CREBL2: variants seen among roughly 807,000 people sequenced by gnomAD.
CREBL2 encodes cAMP-responsive element-binding protein-like 2.
Under a neutral mutation model 19.5 loss-of-function variants are expected in CREBL2, and 4 were observed. The observed-to-expected ratio is 0.20, with a 90% CI of 0.10 to 0.47. The LOEUF is 0.47. Among genes scored for constraint, CREBL2 ranks in the 20% least tolerant of loss-of-function variants. The probability of loss-of-function intolerance (pLI) is 0.98; values close to 1 mark genes in which losing one functional copy is unlikely to be tolerated. For missense variants in CREBL2, 85 were observed against 145.1 expected (o/e 0.59, Z 2.13); for synonymous variants, 42 against 46.6 (o/e 0.90, Z 0.40).
At chr12:12,640,614 T>A (rs1945509708) in intron 3 of CREBL2, among the ~76,000 whole-genome samples, 1 of 152,104 alleles carries the variant, frequency 6.6e-6, no homozygotes, top group African/African-American at 2.4e-5. Context: ...AAGAGTAAAG[T>A]AAAGACAGGC....
At position 12,612,048 on chromosome 12, in the gene CREBL2, G is replaced by C. The variant is rs1330591954; in HGVS notation, c.-125G>C. ...CTGGCATCAGGGAAGCGAACTGTTA[G>C]GCGAGAGGAGGAGGCAGCCAGAACC... On this transcript the variant is annotated 5_prime_UTR_variant, in exon 1 of 4. Transcript: ENST00000228865. 8.6e-7 allele frequency: 1 copy of C among 1,166,118 alleles called. No homozygotes were observed. Among genetic ancestry groups the C allele is most frequent in the African/African-American group, 1.5e-5 (1 of 66,272 alleles). 72.2% of individuals were successfully genotyped at this position (1,166,118 alleles called of 1,614,324 possible).
chr12:12,633,622 C>G (rs1039266731), intron 1 of CREBL2, among the ~76,000 whole-genome samples: 6 of 151,702 alleles, frequency 4.0e-5, no homozygotes, highest in African/African-American at 1.5e-4. Context: ...CAGAGCCACC[C>G]CACAAAAATG....
At chr12:12,619,073 G>GGAGGGAGAGGAGGGAGAGGGAA (rs1566105566) in intron 1 of CREBL2, among the ~76,000 whole-genome samples, 5 of 151,440 alleles carry the variant, frequency 3.3e-5, no homozygotes, top group Non-Finnish European at 7.4e-5. Context: ...GGGAGAGGGA[G>GGAGGGAGAGGAGGGAGAGGGAA]AGGAGGGAGA....
chr12:12,633,252 T>C (rs948406306), intron 1 of CREBL2, among the ~76,000 whole-genome samples: 1 of 152,014 alleles, frequency 6.6e-6, no homozygotes, highest in Non-Finnish European at 1.5e-5. Flanking sequence ...TATATTGTTA[T>C]AATGTAATAA....
chr12:12,614,832 C>G (rs566986054), intron 1 of CREBL2: 2 of 334,904 alleles, frequency 6.0e-6, no homozygotes, highest in South Asian at 5.0e-5. Flanking sequence ...TCCAGTTTTG[C>G]CATAGTAAGA....
At chr12:12,626,070 C>T (rs1238852392) in intron 1 of CREBL2, among the ~76,000 whole-genome samples, 1 of 152,170 alleles carries the variant, frequency 6.6e-6, no homozygotes, top group Non-Finnish European at 1.5e-5. Context: ...ACCACACACC[C>T]TGGTTTAGCC....
chr12:12,637,508 G>A (rs986849880), intron 2 of CREBL2, 62 bp from the exon 3 acceptor site: 8 of 1,098,730 alleles, frequency 7.3e-6, no homozygotes, highest in Admixed American at 4.1e-5. Context: ...ACTCTGACAA[G>A]TAAAAGTTAA....
intron 1 of CREBL2, among the ~76,000 whole-genome samples, chr12:12,620,738 AT>A (rs1184931112): frequency 7.2e-5 from 11 of 152,230 alleles, no homozygotes; most frequent in African/African-American, 2.4e-4. Flanking sequence ...TTATTAATTC[AT>A]TCAACATTTG....
chr12:12,617,643 CTTTTTTTTTTTTTTTTTT>C (rs66943066), intron 1 of CREBL2, among the ~76,000 whole-genome samples: 93 of 38,764 alleles, frequency 2.4e-3, no homozygotes, highest in South Asian at 7.9e-3. Flanking sequence ...TTTAGTAATT[CTTTTTTTTTTTTTTTTTT>C]TTTTTTTTTT....
intron 1 of CREBL2, chr12:12,615,432 G>C (rs1945303362): frequency 6.6e-6 from 1 of 151,528 alleles, no homozygotes; most frequent in Admixed American, 6.6e-5. Context: ...CCTGACCTCA[G>C]GTGATCTGTG....
chr12:12,624,563 G>A lies in CREBL2; in HGVS notation c.16-11214G>A, dbSNP rs186666742. ...TGAGGGAACTGGAGTGAATGAGCAC[G>A]GGAATCGGCCAGCTGCTTTGGTGCT... On this transcript the variant is annotated intron_variant, in intron 1 of 3. Coordinates refer to ENST00000228865, the MANE Select transcript of CREBL2 (RefSeq NM_001310.4). Among the ~76,000 whole-genome samples, 52 of 152,338 alleles carry A rather than the reference G, an allele frequency of 3.4e-4. No homozygotes were observed. In the South Asian group the frequency reaches 5.6e-3, roughly 16 times the overall value.
chr12:12,614,055 A>T (rs1421849939), intron 1 of CREBL2, among the ~76,000 whole-genome samples: 1 of 133,254 alleles, frequency 7.5e-6, no homozygotes, highest in Non-Finnish European at 1.5e-5. Flanking sequence ...GTACAGTGGC[A>T]CGATCTCGGC....
rs967070917 is a variant in CREBL2 at position 12,632,074 on chromosome 12, T to C, written c.16-3703T>C. Among the ~76,000 whole-genome samples the C allele has an allele frequency of 9.7e-3, 1,170 of 120,974 alleles. 17 individuals are homozygous for C. Among genetic ancestry groups the C allele is most frequent in the African/African-American group, 0.031 (933 of 30,392 alleles). 79.4% of individuals were successfully genotyped at this position (120,974 alleles called of 152,430 possible). On this transcript the variant is annotated intron_variant, in intron 1 of 3. Transcript: ENST00000228865. Reference sequence around the variant, plus strand: ...ATTCATATACTATGCCTTTCTTTTTTTTTTTTTTTTTTTTTTTTTTTGAGA... The same window carrying C: ...ATTCATATACTATGCCTTTCTTTTTCTTTTTTTTTTTTTTTTTTTTTGAGA...
intron 2 of CREBL2, 82 bp downstream of exon 2, chr12:12,636,056 A>T: frequency 7.8e-7 from 1 of 1,284,552 alleles, no homozygotes; most frequent in Admixed American, 2.3e-5. Context: ...AATACCAGTT[A>T]TCACCTGTCC....
intron 1 of CREBL2, among the ~76,000 whole-genome samples, chr12:12,632,009 G>A (rs1238631940): frequency 3.5e-5 from 5 of 142,784 alleles, no homozygotes; most frequent in African/African-American, 1.3e-4. Flanking sequence ...AGTTTTAAAT[G>A]TAACTTTATA....
chr12:12,612,305 C>T (rs1331990429), intron 1 of CREBL2, 118 bp downstream of exon 1: 3 of 1,564,770 alleles, frequency 1.9e-6, no homozygotes, highest in African/African-American at 2.7e-5. Context: ...TAAAACATCC[C>T]TGCGCCTCTC....
In CREBL2 at chr12:12,642,460, C is replaced by T. The variant is rs1945530532; in HGVS notation, c.*462C>T. The T allele has an allele frequency of 6.5e-6, 1 of 153,442 alleles. No homozygotes were observed. Among genetic ancestry groups the T allele is most frequent in the African/African-American group, 2.4e-5 (1 of 41,478 alleles). The allele number at this position is 153,442 out of a possible 1,614,324, so 9.5% of individuals were successfully genotyped here. On this transcript the variant is annotated 3_prime_UTR_variant, in exon 4 of 4. Transcript: ENST00000228865. Reference sequence around the variant, plus strand: ...GAGCTGATTACTGACTATAAGTTCTCAGCCTTTATGGACCTAATCTTATTT... The same window carrying T: ...GAGCTGATTACTGACTATAAGTTCTTAGCCTTTATGGACCTAATCTTATTT...
chr12:12,637,046 A>T (rs1016895388), intron 2 of CREBL2, among the ~76,000 whole-genome samples: 7 of 152,174 alleles, frequency 4.6e-5, no homozygotes, highest in African/African-American at 1.2e-4. Context: ...ATTATTTCTT[A>T]CTTTCTGCAG....
rs1397031839 is a variant in CREBL2, at chr12:12,643,129, A to G, written c.*1131A>G. On this transcript the variant is annotated 3_prime_UTR_variant, in exon 4 of 4. Coordinates refer to ENST00000228865, the MANE Select transcript of CREBL2 (RefSeq NM_001310.4). ...GGGCGTGCATCTGGTTCAGCCCTGG[A>G]TATGCCTCCACTGTGGAGGGAAGCA... 1 of 152,642 alleles carries G rather than the reference A, an allele frequency of 6.6e-6. No homozygotes were observed. The highest frequency in any genetic ancestry group is 1.5e-5 in the Non-Finnish European group (1 of 68,044). 9.5% of individuals were successfully genotyped at this position (152,642 alleles called of 1,614,324 possible).
Sources: allele counts gnomAD v4.1 joint callset (sites outside exome capture counted in the v4.1 genomes callset), GRCh38; gene constraint gnomAD v4.1.1; transcripts MANE v1.5; gene names NCBI Gene and HGNC (gene_info 2026-07-23, HGNC 2026-07-21).